The following ADH1B variants were observed in gnomAD, a reference collection of about 807,000 sequenced individuals.
ADH1B encodes the protein all-trans-retinol dehydrogenase [NAD(+)] ADH1B.
A neutral mutation model predicts 34.6 loss-of-function variants in ADH1B; 29 were observed. The ratio of observed to expected loss-of-function variants is 0.84; its 90% CI spans 0.62 to 1.14. The LOEUF (loss-of-function observed/expected upper bound fraction) is 1.14, where lower values mean the gene tolerates loss of function less well. Among genes scored for constraint, ADH1B ranks in the 50% most tolerant of loss-of-function variants. The pLI is 0.00. For synonymous variants in ADH1B, 170 were observed against 175.5 expected, an observed-to-expected ratio of 0.97 and a Z score of 0.25; for missense variants, 424 against 468.4, an observed-to-expected ratio of 0.91 and a Z score of 0.87.
chr4:99,318,444 G>C (rs556766488), intron 2 of ADH1B: 6 of 533,710 alleles, frequency 1.1e-5, no homozygotes, highest in African/African-American at 7.9e-5. Flanking sequence ...TCTTATGTAA[G>C]AATGCACGCT....
In ADH1B at chr4:99,318,166, A is replaced by G. The variant is rs1306875278; in HGVS notation, c.139T>C (p.Cys47Arg). The change falls in exon 3 of 9, where the codon TGT (cysteine) becomes CGT (arginine). Residue 47 changes from cysteine (C) to arginine (R), a missense_variant. This residue lies in a region of ADH1B where 291 missense variants were observed against 300.4 expected (regional missense o/e 0.97). Coordinates refer to ENST00000305046, the MANE Select transcript of ADH1B (RefSeq NM_000668.6). ...CTAACCACGTGGTCATCTGTGTGACAGATTCCTACAGCCACCATCTACAGA... is the reference window on the plus strand; with the variant it reads ...CTAACCACGTGGTCATCTGTGTGACGGATTCCTACAGCCACCATCTACAGA... The part of the protein sequence containing the change: ...VRIKMVAVGI[C>R]HTDDHVVSGN... 1 of 1,614,046 alleles carries G rather than the reference A, an allele frequency of 6.2e-7. No homozygotes were observed. Among genetic ancestry groups the G allele is most frequent in the East Asian group, 2.2e-5 (1 of 44,898 alleles).
At chr4:99,315,630 C>T (rs1357005846) in intron 5 of ADH1B, 1 of 522,614 alleles carries the variant, frequency 1.9e-6, no homozygotes, top group Non-Finnish European at 3.4e-6. Flanking sequence ...TAAATGAATT[C>T]TTAGGTCTAA....
At chr4:99,317,316 T>C (rs1733910564) in intron 3 of ADH1B, 1 of 152,260 alleles carries the variant, frequency 6.6e-6, no homozygotes, top group South Asian at 2.1e-4. Flanking sequence ...GTCCTAGTTA[T>C]TAACCCTTTA....
At chr4:99,313,768 T>C in intron 6 of ADH1B, 53 bp downstream of exon 6, 1 of 1,613,902 alleles carries the variant, frequency 6.2e-7, no homozygotes, top group Middle Eastern at 1.7e-4. Flanking sequence ...GCTGCCTAAA[T>C]GCATCTTCCA....
intron 7 of ADH1B, 89 bp downstream of exon 7, chr4:99,311,432 G>T: frequency 7.0e-7 from 1 of 1,420,044 alleles, no homozygotes; most frequent in Non-Finnish European, 9.5e-7. Context: ...CTTGTCAATT[G>T]TAAAAGGGCA....
intron 8 of ADH1B, among the ~76,000 whole-genome samples, chr4:99,309,182 C>A (rs1460227406): frequency 6.6e-6 from 1 of 151,710 alleles, no homozygotes; most frequent in Non-Finnish European, 1.5e-5. Flanking sequence ...AAAGTTCTAA[C>A]AAGTAAACAT....
intron 8 of ADH1B, 92 bp downstream of exon 8, chr4:99,310,673 T>A: frequency 1.3e-6 from 2 of 1,499,008 alleles, no homozygotes; most frequent in Non-Finnish European, 1.8e-6. Context: ...AGGGACTCTA[T>A]ATTTTCTCAT....
chr4:99,319,675 G>A (rs1394779747), intron 1 of ADH1B: 2 of 152,162 alleles, frequency 1.3e-5, no homozygotes, highest in African/African-American at 2.4e-5. Flanking sequence ...ATCCATAGAT[G>A]TTCTTAAAAA....
Position 99,316,660 on chromosome 4 carries a change from A to G in ADH1B, c.260-358T>C, listed in dbSNP as rs928243681. The G allele has an allele frequency of 3.0e-5, 5 of 165,278 alleles. No individual in the cohort carries two copies. In the South Asian group the frequency reaches 7.4e-4, roughly 24 times the overall value. The allele number at this position is 165,278 out of a possible 1,614,324, so 10.2% of individuals were successfully genotyped here. A position where few individuals can be genotyped will look rare whatever the true frequency, so the allele number is the denominator to read the frequency against. On this transcript the variant is annotated intron_variant, in intron 3 of 8. Coordinates refer to ENST00000305046, the MANE Select transcript of ADH1B (RefSeq NM_000668.6). ...TAATTAAATCTTAAATATTCTTACTATAAGTATAAATATAAATTTTAGTTG... is the reference window on the plus strand; with the variant it reads ...TAATTAAATCTTAAATATTCTTACTGTAAGTATAAATATAAATTTTAGTTG...
intron 8 of ADH1B, among the ~76,000 whole-genome samples, chr4:99,310,042 G>A (rs1733711202): frequency 1.3e-5 from 2 of 152,214 alleles, no homozygotes; most frequent in East Asian, 1.9e-4. Context: ...AGAAGGCAAA[G>A]GTTAGATATA....
intron 8 of ADH1B, among the ~76,000 whole-genome samples, chr4:99,309,784 G>C (rs1234438108): frequency 6.6e-6 from 1 of 151,994 alleles, no homozygotes; most frequent in East Asian, 1.9e-4. Context: ...CTCAGTTTCT[G>C]TTCTCTAAGA....
At chr4:99,315,704 G>A (rs1002334196) in intron 5 of ADH1B, 194 bp downstream of exon 5, 25 of 673,506 alleles carry the variant, frequency 3.7e-5, no homozygotes, top group African/African-American at 9.1e-5. Flanking sequence ...ATCTTTATTC[G>A]TAACAACTTT....
chr4:99,318,714 G>C, intron 2 of ADH1B, 71 bp downstream of exon 2: 2 of 1,425,692 alleles, frequency 1.4e-6, no homozygotes, highest in East Asian at 2.4e-5. Context: ...TGGATTTTTG[G>C]ATGTTTCCAT....
intron 6 of ADH1B, 42 bp downstream of exon 6, chr4:99,313,779 G>A (rs767946339): frequency 6.2e-7 from 1 of 1,613,918 alleles, no homozygotes; most frequent in Non-Finnish European, 8.5e-7. Context: ...GCATCTTCCA[G>A]GTTGCAGAGG....
chr4:99,310,626 C>T (rs902434625), intron 8 of ADH1B, 139 bp downstream of exon 8: 19 of 1,184,326 alleles, frequency 1.6e-5, no homozygotes, highest in African/African-American at 6.2e-5. Context: ...ATCCTACATA[C>T]GCTCCATGCA....
At chr4:99,308,064 T>C (rs1456702275) in intron 8 of ADH1B, among the ~76,000 whole-genome samples, 200 bp from the exon 9 acceptor site, 2 of 152,106 alleles carry the variant, frequency 1.3e-5, no homozygotes, top group Admixed American at 6.6e-5. Flanking sequence ...TTTTCTCCAA[T>C]CTTAATCTCA....
intron 5 of ADH1B, 141 bp downstream of exon 5, chr4:99,315,757 A>G (rs1733865157): frequency 2.5e-4 from 206 of 814,508 alleles, no homozygotes; most frequent in Non-Finnish European, 3.5e-4. Flanking sequence ...TGTGTACTCA[A>G]TTCTTTCTGG....
rs771178899 is a variant in ADH1B, at chr4:99,316,555, C to T, written c.260-253G>A. 3.7e-4 allele frequency: 179 copies of T among 486,496 alleles called. 1 individual carries two copies. The highest frequency in any genetic ancestry group is 1.5e-4 in the Non-Finnish European group (41 of 271,652). The allele number at this position is 486,496 out of a possible 1,614,324, so 30.1% of individuals were successfully genotyped here. The stretch of plus-strand genomic sequence containing the variant: ...ACACAGATTAAAAAAATTACTTCCA[C>T]TGTACTAATAGTTAACTTTTACACA... On this transcript the variant is annotated intron_variant, in intron 3 of 8. Coordinates refer to ENST00000305046, the MANE Select transcript of ADH1B (RefSeq NM_000668.6).
chr4:99,321,278 G>T (rs753774604), intron 1 of ADH1B, 36 bp downstream of exon 1: 3 of 1,557,450 alleles, frequency 1.9e-6, no homozygotes, highest in Non-Finnish European at 2.7e-6. Flanking sequence ...ATATTGATGA[G>T]AATATATTAC....
Sources: gnomAD v4.1 joint callset for allele counts (sites outside exome capture counted in the v4.1 genomes callset) on GRCh38, gnomAD v4.1.1 for gene constraint, gnomAD v4.1.1 regional missense constraint, MANE v1.5 for transcripts, NCBI Gene and HGNC (gene_info 2026-07-23, HGNC 2026-07-21) for gene names.